The following CNNM2 variants were observed in gnomAD, a reference collection of about 807,000 sequenced individuals.
The protein encoded by CNNM2 is metal transporter CNNM2.
In CNNM2, 12 loss-of-function variants were observed where a neutral mutation model predicts 66.9. That is an observed-to-expected ratio of 0.18 (90% CI 0.11 to 0.29). CNNM2 has a LOEUF of 0.29. Ranked by LOEUF, CNNM2 falls within the 10% of genes least tolerant of loss-of-function variation. CNNM2 has a pLI of 1.00. For synonymous variants in CNNM2, 557 were observed against 501.8 expected (o/e 1.11, Z -1.47); for missense variants, 705 against 1,167.7 (o/e 0.60, Z 5.77).
At chr10:102,950,107 C>A (rs1846772745) in intron 1 of CNNM2, among the ~76,000 whole-genome samples, 1 of 152,132 alleles carries the variant, frequency 6.6e-6, no homozygotes, top group Non-Finnish European at 1.5e-5. Context: ...TATGGGCACC[C>A]AGAGGAAGGA....
intron 1 of CNNM2, among the ~76,000 whole-genome samples, chr10:102,968,825 T>C (rs929957320): frequency 6.6e-6 from 1 of 151,474 alleles, no homozygotes; most frequent in Non-Finnish European, 1.5e-5. Context: ...GGTCTCAAAC[T>C]CCTGGGCTCA....
chr10:102,998,998 G>A lies in CNNM2; in HGVS notation c.1622-50709G>A, dbSNP rs527522499. On this transcript the variant is annotated intron_variant, in intron 1 of 7. Coordinates refer to ENST00000369878, the MANE Select transcript of CNNM2 (RefSeq NM_017649.5). ...GGGCTCACTACAGCCTCTGCTTCCT[G>A]GGTTCAAGTGATTCTTGTGCCTCAG... Among the ~76,000 whole-genome samples the A allele has an allele frequency of 2.0e-5, 3 of 152,216 alleles. No homozygotes were observed. The South Asian group carries it at 6.2e-4, about 32-fold the overall frequency.
In CNNM2 at chr10:103,068,737, C is replaced by T. The variant is rs369065913; in HGVS notation, c.2167+15C>T. The stretch of plus-strand genomic sequence containing the variant: ...AGCCTCTCCAGGTATGTTTGGTTCC[C>T]AGCCGCATAGGGCAGGACCACGTGT... On this transcript the variant is annotated intron_variant, in intron 5 of 7. Coordinates refer to ENST00000369878, the MANE Select transcript of CNNM2 (RefSeq NM_017649.5). 6 of 1,602,270 alleles carry T rather than the reference C, an allele frequency of 3.7e-6. No individual in the cohort carries two copies. The highest frequency in any genetic ancestry group is 5.1e-6 in the Non-Finnish European group (6 of 1,171,896).
intron 1 of CNNM2, among the ~76,000 whole-genome samples, chr10:102,962,470 G>GTA (rs1362481457): frequency 6.6e-6 from 1 of 152,094 alleles, no homozygotes; most frequent in African/African-American, 2.4e-5. Flanking sequence ...TATACTCCTA[G>GTA]TAGTCAACTT....
chr10:102,923,684 T>A (rs1014334417), intron 1 of CNNM2, among the ~76,000 whole-genome samples: 3 of 152,164 alleles, frequency 2.0e-5, no homozygotes, highest in African/African-American at 7.2e-5. Flanking sequence ...TGGTGTCCCC[T>A]TTTTTGCCAT....
chr10:103,060,332 C>CG (rs1205269644), intron 4 of CNNM2, among the ~76,000 whole-genome samples: 1 of 152,118 alleles, frequency 6.6e-6, no homozygotes, highest in Non-Finnish European at 1.5e-5. Flanking sequence ...GAGGTTGAGG[C>CG]GGGCAGATCA....
intron 1 of CNNM2, among the ~76,000 whole-genome samples, chr10:102,971,551 A>G (rs535078917): frequency 2.0e-5 from 3 of 152,210 alleles, no homozygotes; most frequent in South Asian, 2.1e-4. Flanking sequence ...AAACATAGCC[A>G]GTTGGGTTTT....
Position 103,089,628 on chromosome 10 carries a change from G to A in CNNM2, c.*12448G>A, listed in dbSNP as rs191195125. On this transcript the variant is annotated 3_prime_UTR_variant, in exon 8 of 8. Coordinates refer to ENST00000369878, the MANE Select transcript of CNNM2 (RefSeq NM_017649.5). ...GACCTCGTTTGTTCCTGTGAGTCCT[G>A]CCAGGACTTGTTTAATGGGTGCTTG... The A allele has an allele frequency of 2.6e-6, 4 of 1,536,448 alleles. No homozygotes were observed. Among genetic ancestry groups the A allele is most frequent in the Admixed American group, 2.0e-5 (1 of 50,094 alleles).
In CNNM2 at chr10:102,986,775, G is replaced by A. The variant is rs533386556; in HGVS notation, c.1622-62932G>A. ...AGCCGGGGTGACAGTGCAAGACTCA[G>A]TCTCAAAAAAAAAAAAAAAAAGTTT... On this transcript the variant is annotated intron_variant, in intron 1 of 7. Transcript: ENST00000369878. 1.1e-4 allele frequency among the ~76,000 whole-genome samples: 6 copies of A among 55,298 alleles called. No homozygotes were observed. The Admixed American group carries it at 1.3e-3, about 12-fold the overall frequency. 36.3% of individuals were successfully genotyped at this position (55,298 alleles called of 152,430 possible). A position where few individuals can be genotyped will look rare whatever the true frequency, so the allele number is the denominator to read the frequency against.
chr10:103,016,887 CT>C (rs1272631759), intron 1 of CNNM2, among the ~76,000 whole-genome samples: 2 of 152,056 alleles, frequency 1.3e-5, no homozygotes, highest in Non-Finnish European at 2.9e-5. Flanking sequence ...TTGTTTCTTC[CT>C]TTTGTTTCCT....
rs371033986 is a variant in CNNM2 at position 102,940,609 on chromosome 10, A to G, written c.1621+20508A>G. 2.6e-3 allele frequency among the ~76,000 whole-genome samples: 388 copies of G among 150,830 alleles called. 1 individual carries two copies. The highest frequency in any genetic ancestry group is 0.01 in the East Asian group (50 of 4,960). On this transcript the variant is annotated intron_variant, in intron 1 of 7. Transcript: ENST00000369878. ...AATTTTTTGTATTTTTAGTAGAGACAGGGTTTCACCGTGTTAGCCAGGATG... is the reference window on the plus strand; with the variant it reads ...AATTTTTTGTATTTTTAGTAGAGACGGGGTTTCACCGTGTTAGCCAGGATG...
At chr10:102,985,005 A>G (rs1386944248) in intron 1 of CNNM2, among the ~76,000 whole-genome samples, 1 of 152,190 alleles carries the variant, frequency 6.6e-6, no homozygotes, top group Non-Finnish European at 1.5e-5. Context: ...AATTTTGCTA[A>G]TATTTTCTAC....
chr10:102,938,537 T>C (rs1846321185), intron 1 of CNNM2, among the ~76,000 whole-genome samples: 2 of 149,156 alleles, frequency 1.3e-5, no homozygotes, highest in African/African-American at 4.9e-5. Context: ...GGGGGATTGC[T>C]TGAGCCTGGG....
chr10:103,023,855 G>A (rs921695216), intron 1 of CNNM2, among the ~76,000 whole-genome samples: 4 of 152,162 alleles, frequency 2.6e-5, no homozygotes, highest in Admixed American at 1.3e-4. Context: ...GTGCAAAAAT[G>A]TAAAAATTGA....
intron 1 of CNNM2, among the ~76,000 whole-genome samples, chr10:102,962,877 A>C (rs137881354): frequency 1.1e-3 from 174 of 152,354 alleles, no homozygotes; most frequent in Non-Finnish European, 2.0e-3. Context: ...AATAAACATT[A>C]GTGTAAAATA....
intron 1 of CNNM2, among the ~76,000 whole-genome samples, chr10:103,001,478 T>C (rs1199368842): frequency 6.6e-6 from 1 of 152,180 alleles, no homozygotes; most frequent in Non-Finnish European, 1.5e-5. Context: ...CTAATATTTA[T>C]GGTCAATTGA....
chr10:103,071,915 C>T, intron 6 of CNNM2, 76 bp downstream of exon 6: 1 of 1,291,090 alleles, frequency 7.7e-7, no homozygotes, highest in Non-Finnish European at 1.1e-6. Flanking sequence ...CTGGCTGGGT[C>T]TGCTCCCTTT....
At position 103,078,759 on chromosome 10, in the gene CNNM2, G is replaced by A. The variant is rs895855243; in HGVS notation, c.*1579G>A. On this transcript the variant is annotated 3_prime_UTR_variant, in exon 8 of 8. Coordinates refer to ENST00000369878, the MANE Select transcript of CNNM2 (RefSeq NM_017649.5). ...TTCTGTTTAGGCTCACTGCGCAAAGGGAGGCCTTGGCTAAGTGGCAGTTTT... is the reference window on the plus strand; with the variant it reads ...TTCTGTTTAGGCTCACTGCGCAAAGAGAGGCCTTGGCTAAGTGGCAGTTTT... 4 of 152,318 alleles carry A rather than the reference G, an allele frequency of 2.6e-5. No individual in the cohort carries two copies. The highest frequency in any genetic ancestry group is 9.7e-5 in the African/African-American group (4 of 41,446). The allele number at this position is 152,318 out of a possible 1,614,324, so 9.4% of individuals were successfully genotyped here. A position where few individuals can be genotyped will look rare whatever the true frequency, so the allele number is the denominator to read the frequency against.
rs1316660569 is a variant in CNNM2 at position 103,056,819 on chromosome 10, A to G, written c.1928A>G (p.Gln643Arg). Reference sequence around the variant, plus strand: ...GAAGTAGAAGCATTTAGCCCATCCCAGATGTCAGAGAAGATCCTTCTAAGG... The same window carrying G: ...GAAGTAGAAGCATTTAGCCCATCCCGGATGTCAGAGAAGATCCTTCTAAGG... The part of the protein sequence containing the change: ...ATEVEAFSPS[Q>R]MSEKILLRLL... Residue 643 changes from glutamine to arginine, a missense_variant, in exon 4 of 8, where the codon CAG becomes CGG. This residue lies in a region of CNNM2 where 171 missense variants were observed against 304.8 expected (regional missense o/e 0.56). Coordinates refer to ENST00000369878, the MANE Select transcript of CNNM2 (RefSeq NM_017649.5). The G allele has an allele frequency of 6.2e-7, 1 of 1,613,908 alleles. No individual in the cohort carries two copies. The highest frequency in any genetic ancestry group is 8.5e-7 in the Non-Finnish European group (1 of 1,179,904).
Sources: gnomAD v4.1 joint callset for allele counts (sites outside exome capture counted in the v4.1 genomes callset) on GRCh38, gnomAD v4.1.1 for gene constraint, gnomAD v4.1.1 regional missense constraint, MANE v1.5 for transcripts, NCBI Gene and HGNC (gene_info 2026-07-23, HGNC 2026-07-21) for gene names.